The following PRKACA variants were observed in gnomAD, a reference collection of about 807,000 sequenced individuals.
The protein encoded by PRKACA is cAMP-dependent protein kinase catalytic subunit alpha.
A neutral mutation model predicts 45.8 loss-of-function variants in PRKACA; 9 were observed. The ratio of observed to expected loss-of-function variants is 0.20; its 90% CI spans 0.12 to 0.34. PRKACA has a LOEUF of 0.34. Among genes scored for constraint, PRKACA ranks in the 10% least tolerant of loss-of-function variants. The pLI is 1.00. For missense variants in PRKACA, 238 were observed against 458.6 expected (o/e 0.52, Z 4.39); for synonymous variants, 160 against 178.6 (o/e 0.90, Z 0.83).
intron 3 of PRKACA, among the ~76,000 whole-genome samples, chr19:14,105,073 C>T (rs1977562948): frequency 6.6e-6 from 1 of 151,778 alleles, no homozygotes; most frequent in Admixed American, 6.6e-5. Context: ...TTTAAAGATA[C>T]TTCAGTACAG....
At chr19:14,114,063 T>C in intron 1 of PRKACA, 2 of 1,529,928 alleles carry the variant, frequency 1.3e-6, no homozygotes, top group South Asian at 2.3e-5. Context: ...CAGACCCCGC[T>C]GCAGCCCCTC....
At chr19:14,113,195 C>G (rs138485341) in intron 1 of PRKACA, among the ~76,000 whole-genome samples, 1 of 151,798 alleles carries the variant, frequency 6.6e-6, no homozygotes, top group African/African-American at 2.4e-5. Flanking sequence ...CGGAAACGAG[C>G]GGCTAAACCC....
chr19:14,110,544 G>T (rs1015244181), intron 1 of PRKACA, among the ~76,000 whole-genome samples: 24 of 151,790 alleles, frequency 1.6e-4, no homozygotes, highest in African/African-American at 4.8e-4. Flanking sequence ...TACACTGCAG[G>T]CTGGGTGACA....
At chr19:14,107,622 G>T in intron 1 of PRKACA, 2 of 1,346,772 alleles carry the variant, frequency 1.5e-6, no homozygotes, top group Non-Finnish European at 1.9e-6. Context: ...ATCCAAAGTG[G>T]GGTACAGAGA....
rs540536215 is a variant in PRKACA, at chr19:14,104,648, A to G, written c.238-1734T>C. 3.0e-4 allele frequency among the ~76,000 whole-genome samples: 45 copies of G among 149,640 alleles called. No homozygotes were observed. In the South Asian group the frequency reaches 8.8e-3, roughly 29 times the overall value. On this transcript the variant is annotated intron_variant, in intron 3 of 9. Transcript: ENST00000308677. Reference sequence around the variant, plus strand: ...GAGGCAGAGGTTGCAGTGAGCCAAGATCGTGCCACTGCACTCCAGCCTGAG... The same window carrying G: ...GAGGCAGAGGTTGCAGTGAGCCAAGGTCGTGCCACTGCACTCCAGCCTGAG...
chr19:14,097,294 G>A lies in PRKACA; in HGVS notation c.765+67C>T, dbSNP rs755118297. The A allele has an allele frequency of 1.3e-5, 21 of 1,606,178 alleles. No individual in the cohort carries two copies. The highest frequency in any genetic ancestry group is 1.7e-5 in the Non-Finnish European group (20 of 1,173,848). ...CTGACAACAAGCAGGGCTCCCCAGGGAATAGGATGGGTGAGCAGGGAACGG... is the reference window on the plus strand; with the variant it reads ...CTGACAACAAGCAGGGCTCCCCAGGAAATAGGATGGGTGAGCAGGGAACGG... On this transcript the variant is annotated intron_variant, in intron 8 of 9. Transcript: ENST00000308677. This position sits in a 1 kb window ranked among gnomAD's most constrained non-coding sequence, Gnocchi z 5.4.
chr19:14,106,984 C>T, intron 2 of PRKACA, 96 bp from the exon 3 acceptor site: 1 of 1,508,772 alleles, frequency 6.6e-7, no homozygotes, highest in Non-Finnish European at 8.9e-7. Context: ...GCAGAGGGGG[C>T]CCCGGGGAGC....
intron 3 of PRKACA, among the ~76,000 whole-genome samples, chr19:14,103,618 A>G (rs1977508590): frequency 2.0e-5 from 3 of 152,178 alleles, no homozygotes; most frequent in Admixed American, 1.3e-4. Context: ...TCAGCTGTCA[A>G]CTGCTTTGCT....
chr19:14,113,666 T>A (rs1055618516), intron 1 of PRKACA, among the ~76,000 whole-genome samples: 1 of 152,146 alleles, frequency 6.6e-6, no homozygotes, highest in South Asian at 2.1e-4. Context: ...TCCTGGGAAT[T>A]CTGGGGCAGG....
chr19:14,117,016 G>A (rs1967121170), intron 1 of PRKACA, among the ~76,000 whole-genome samples: 1 of 148,694 alleles, frequency 6.7e-6, no homozygotes, highest in South Asian at 2.2e-4. Flanking sequence ...GATGGCGGGG[G>A]CTGGAGGGGG....
In PRKACA at chr19:14,092,648, C is replaced by T. The variant is rs900660119; in HGVS notation, c.*464G>A. 10 of 397,746 alleles carry T rather than the reference C, an allele frequency of 2.5e-5. No individual in the cohort carries two copies. The highest frequency in any genetic ancestry group is 4.0e-5 in the Non-Finnish European group (9 of 226,544). The allele number at this position is 397,746 out of a possible 1,614,324, so 24.6% of individuals were successfully genotyped here. A position where few individuals can be genotyped will look rare whatever the true frequency, so the allele number is the denominator to read the frequency against. On this transcript the variant is annotated 3_prime_UTR_variant, in exon 10 of 10. Transcript: ENST00000308677. ...CTCTCCTTCCCAGGCAGGATTACTC[C>T]GAAAGGAAGGTTGGCGCTTCGTTCA...
intron 1 of PRKACA, chr19:14,107,812 AG>A: frequency 1.0e-6 from 1 of 999,522 alleles, no homozygotes; most frequent in Non-Finnish European, 1.2e-6. Flanking sequence ...CCTGGGATGG[AG>A]GCCTCGGGGG....
chr19:14,107,582 T>C, intron 1 of PRKACA, 173 bp from the exon 2 acceptor site: 1 of 1,296,060 alleles, frequency 7.7e-7, no homozygotes, highest in Non-Finnish European at 1.0e-6. Flanking sequence ...CCTCCCTTGC[T>C]ACAGAGAGGT....
chr19:14,111,186 T>C (rs1966953104), intron 1 of PRKACA, among the ~76,000 whole-genome samples: 2 of 151,914 alleles, frequency 1.3e-5, no homozygotes, highest in South Asian at 4.2e-4. Flanking sequence ...TCACCTGAGG[T>C]TGGGAGTTTG....
Position 14,092,259 on chromosome 19 carries a change from T to G in PRKACA, c.*853A>C. 1 of 184,196 alleles carries G rather than the reference T, an allele frequency of 5.4e-6. No homozygotes were observed. Among genetic ancestry groups the G allele is most frequent in the Non-Finnish European group, 1.1e-5 (1 of 89,048 alleles). The allele number at this position is 184,196 out of a possible 1,614,324, so 11.4% of individuals were successfully genotyped here. A position where few individuals can be genotyped will look rare whatever the true frequency, so the allele number is the denominator to read the frequency against. On this transcript the variant is annotated 3_prime_UTR_variant, in exon 10 of 10. Coordinates refer to ENST00000308677, the MANE Select transcript of PRKACA (RefSeq NM_002730.4). The stretch of plus-strand genomic sequence containing the variant: ...TGTCTTTTTGGGGGATGACTCCTCT[T>G]TGGCAGGGAGAGGGGCAGCTGCTTT...
chr19:14,104,695 CAAAAA>C (rs1187253406), intron 3 of PRKACA, among the ~76,000 whole-genome samples: 1 of 53,230 alleles, frequency 1.9e-5, no homozygotes. Context: ...GACTCCATCT[CAAAAA>C]AAAAAAAAAA....
At chr19:14,106,959 TCCCCTCTGCCAC>T (rs1977629893) in intron 2 of PRKACA, 71 bp from the exon 3 acceptor site, 9 of 1,570,938 alleles carry the variant, frequency 5.7e-6, no homozygotes, top group South Asian at 2.3e-5. Flanking sequence ...GTCTGGGGCA[TCCCCTCTGCCAC>T]CGGCAGAGGG....
intron 5 of PRKACA, 146 bp downstream of exon 5, chr19:14,100,680 G>A: frequency 1.4e-6 from 1 of 740,696 alleles, no homozygotes; most frequent in African/African-American, 1.7e-5. Context: ...TTCCTCAGCA[G>A]AGGGGAAACA....
chr19:14,104,000 A>G (rs988652587), intron 3 of PRKACA, among the ~76,000 whole-genome samples: 3 of 151,850 alleles, frequency 2.0e-5, no homozygotes, highest in Non-Finnish European at 4.4e-5. Flanking sequence ...TTTGAGCCCA[A>G]CTGCACTTCA....
Sources: gnomAD v4.1 joint callset for allele counts (sites outside exome capture counted in the v4.1 genomes callset) on GRCh38, gnomAD v4.1.1 for gene constraint, Gnocchi (gnomAD v3.1) non-coding constraint, MANE v1.5 for transcripts, NCBI Gene and HGNC (gene_info 2026-07-23, HGNC 2026-07-21) for gene names.